The following RBFOX1 variants were observed in gnomAD, a reference collection of about 807,000 sequenced individuals.
RBFOX1 encodes the protein RNA binding protein fox-1 homolog 1.
In RBFOX1, 8 loss-of-function variants were observed where a neutral mutation model predicts 57.7. The observed-to-expected ratio is 0.14, with a 90% confidence interval of 0.08 to 0.25. The LOEUF is 0.25. RBFOX1 is among the 10% of genes least tolerant of loss of function. The pLI is 1.00. For synonymous variants in RBFOX1, 326 were observed against 222.4 expected (o/e 1.47, Z -4.15); for missense variants, 611 against 548.5 (o/e 1.11, Z -1.14).
chr16:6,682,758 C>T (rs981242410), intron 3 of RBFOX1, among the ~76,000 whole-genome samples: 5 of 150,878 alleles, frequency 3.3e-5, no homozygotes, highest in African/African-American at 1.2e-4. Flanking sequence ...CCAGTAGATT[C>T]ATACTAAAAT....
At chr16:7,657,438 G>A (rs956736510) in intron 12 of RBFOX1, among the ~76,000 whole-genome samples, 18 of 152,136 alleles carry the variant, frequency 1.2e-4, no homozygotes, top group African/African-American at 4.1e-4. Flanking sequence ...CTAAGTAGCT[G>A]GGATTACAGG....
chr16:7,499,413 A>G (rs1478807391), intron 4 of RBFOX1, among the ~76,000 whole-genome samples: 1 of 152,148 alleles, frequency 6.6e-6, no homozygotes, highest in East Asian at 1.9e-4. Context: ...CAGTGACCCC[A>G]TTCCCAGATT....
chr16:7,645,932 CCCCACCCACCA>C lies in RBFOX1; in HGVS notation c.758-7872_758-7862del, dbSNP rs1181844020. On this transcript the variant is annotated intron_variant, in intron 11 of 15. Transcript: ENST00000550418. ...TGACCGAAAGGATGGAAGCTTTCTC[CCCCACCCACCA>C]CCCACCCACCTTTTTTTTTTTTCTG... Among the ~76,000 whole-genome samples the C allele has an allele frequency of 2.7e-5, 4 of 150,322 alleles. No homozygotes were observed. The East Asian group carries it at 7.8e-4, about 29-fold the overall frequency.
intron 4 of RBFOX1, among the ~76,000 whole-genome samples, chr16:5,986,019 C>T (rs1384822712): frequency 6.6e-6 from 1 of 151,668 alleles, no homozygotes; most frequent in African/African-American, 2.4e-5. Context: ...TTTTTGGGTA[C>T]CCAAAATTCC....
chr16:7,697,943 TGTTTA>T (rs1191805842), intron 14 of RBFOX1, among the ~76,000 whole-genome samples: 2 of 152,192 alleles, frequency 1.3e-5, no homozygotes, highest in Non-Finnish European at 2.9e-5. Flanking sequence ...AGCAGGCATA[TGTTTA>T]GTTCCGTGTG....
At chr16:7,099,340 C>T (rs910879656) in intron 4 of RBFOX1, among the ~76,000 whole-genome samples, 1 of 152,096 alleles carries the variant, frequency 6.6e-6, no homozygotes, top group African/African-American at 2.4e-5. Context: ...CATTTTGTAC[C>T]AGCTTCTCCT....
chr16:7,487,584 C>T (rs2065760815), intron 4 of RBFOX1, among the ~76,000 whole-genome samples: 1 of 152,196 alleles, frequency 6.6e-6, no homozygotes, highest in Admixed American at 6.5e-5. Context: ...CATCTCTCTT[C>T]CCATGCATGA....
intron 1 of RBFOX1, among the ~76,000 whole-genome samples, chr16:6,166,168 A>C (rs1048134840): frequency 6.6e-6 from 1 of 152,144 alleles, no homozygotes; most frequent in African/African-American, 2.4e-5. Context: ...CTTAGTTGGC[A>C]ATTCAGTCAC....
At chr16:6,189,496 T>C (rs1383165045) in intron 1 of RBFOX1, among the ~76,000 whole-genome samples, 1 of 152,222 alleles carries the variant, frequency 6.6e-6, no homozygotes, top group Non-Finnish European at 1.5e-5. Context: ...AAGGGTTAAA[T>C]GCATTGGTTA....
At chr16:5,344,366 TA>T (rs1323398459) in intron 1 of RBFOX1, among the ~76,000 whole-genome samples, 1 of 152,186 alleles carries the variant, frequency 6.6e-6, no homozygotes, top group Non-Finnish European at 1.5e-5. Flanking sequence ...TGTTTTGCTT[TA>T]AAAACAACCT....
intron 4 of RBFOX1, among the ~76,000 whole-genome samples, chr16:7,467,936 T>C (rs1297947372): frequency 6.6e-6 from 1 of 152,254 alleles, no homozygotes; most frequent in East Asian, 1.9e-4. Flanking sequence ...CATTTGTACA[T>C]TTTGGATAAC....
At chr16:7,468,635 T>G (rs73500333) in intron 4 of RBFOX1, among the ~76,000 whole-genome samples, 2 of 152,068 alleles carry the variant, frequency 1.3e-5, no homozygotes, top group African/African-American at 2.4e-5. Flanking sequence ...GGGGAACTTA[T>G]GTGTTGGTGA....
chr16:7,328,016 A>T (rs1202217790), intron 4 of RBFOX1, among the ~76,000 whole-genome samples: 1 of 151,952 alleles, frequency 6.6e-6, no homozygotes, highest in Non-Finnish European at 1.5e-5. Context: ...TCTTTCATTG[A>T]CGTCTAAACT....
intron 2 of RBFOX1, among the ~76,000 whole-genome samples, chr16:6,466,141 A>G (rs906548783): frequency 6.6e-6 from 1 of 151,710 alleles, no homozygotes; most frequent in Non-Finnish European, 1.5e-5. Flanking sequence ...AGGCAGAAGA[A>G]TCGCTTGAAC....
intron 3 of RBFOX1, among the ~76,000 whole-genome samples, chr16:6,946,988 T>C (rs1418182074): frequency 2.0e-5 from 3 of 152,172 alleles, no homozygotes; most frequent in East Asian, 1.9e-4. Flanking sequence ...GCCTGACCAG[T>C]TTCCTAGCCC....
intron 1 of RBFOX1, among the ~76,000 whole-genome samples, chr16:6,139,749 T>A (rs2096699688): frequency 6.6e-6 from 1 of 152,236 alleles, no homozygotes; most frequent in Non-Finnish European, 1.5e-5. Flanking sequence ...GGTCGTTTTT[T>A]TCTTGATTTC....
intron 3 of RBFOX1, among the ~76,000 whole-genome samples, chr16:6,982,638 T>C (rs2089230980): frequency 6.6e-6 from 1 of 152,164 alleles, no homozygotes; most frequent in South Asian, 2.1e-4. Flanking sequence ...TTCTTGCACA[T>C]TGTCACATTG....
chr16:5,719,194 A>G (rs1216127378), intron 3 of RBFOX1, among the ~76,000 whole-genome samples: 1 of 139,424 alleles, frequency 7.2e-6, no homozygotes, highest in African/African-American at 2.8e-5. Flanking sequence ...CATACTTCAT[A>G]TTAGAATCTT....
chr16:7,229,579 G>C, intron 4 of RBFOX1, among the ~76,000 whole-genome samples: 2 of 127,040 alleles, frequency 1.6e-5, no homozygotes, highest in Non-Finnish European at 3.3e-5. Context: ...AGGGGAAGGA[G>C]AAAGGGAGAG....
Sources: gnomAD v4.1 joint callset for allele counts (sites outside exome capture counted in the v4.1 genomes callset) on GRCh38, gnomAD v4.1.1 for gene constraint, MANE v1.5 for transcripts, NCBI Gene and HGNC (gene_info 2026-07-23, HGNC 2026-07-21) for gene names.